UST: variants seen among roughly 807,000 people sequenced by gnomAD.
UST encodes the protein chondroitin sulfate 2-O-sulfotransferase.
In UST, 21 loss-of-function variants were observed where a neutral mutation model predicts 45.6. The ratio of observed to expected loss-of-function variants is 0.46; its 90% CI spans 0.33 to 0.66. The LOEUF (loss-of-function observed/expected upper bound fraction) is 0.66, where lower values mean the gene tolerates loss of function less well. Ranked by LOEUF, UST falls within the 30% of genes least tolerant of loss-of-function variation. The pLI, the probability that UST is intolerant of heterozygous loss-of-function variation, is 0.02. For missense variants in UST, 463 were observed against 512.4 expected (o/e 0.90, Z 0.93); for synonymous variants, 215 against 200.6 (o/e 1.07, Z -0.61).
At chr6:148,805,285 CTGTT>C (rs1187825330) in intron 1 of UST, among the ~76,000 whole-genome samples, 4 of 152,166 alleles carry the variant, frequency 2.6e-5, no homozygotes, top group African/African-American at 9.7e-5. Flanking sequence ...AAATATTTCA[CTGTT>C]TGTTACGTTG....
At chr6:148,787,757 T>C (rs1776759683) in intron 1 of UST, among the ~76,000 whole-genome samples, 1 of 152,228 alleles carries the variant, frequency 6.6e-6, no homozygotes, top group African/African-American at 2.4e-5. Context: ...GGGAATAGCA[T>C]TGAATGTATA....
At chr6:148,863,886 C>T (rs904910608) in intron 1 of UST, among the ~76,000 whole-genome samples, 6 of 152,202 alleles carry the variant, frequency 3.9e-5, no homozygotes, top group African/African-American at 7.2e-5. Flanking sequence ...GAGGGGTACC[C>T]GGCCGTATGA....
chr6:148,945,219 A>G (rs1780212721), intron 3 of UST, among the ~76,000 whole-genome samples: 1 of 152,200 alleles, frequency 6.6e-6, no homozygotes, highest in Non-Finnish European at 1.5e-5. Context: ...TATACTACTG[A>G]GTGGGTATGA....
chr6:149,004,047 C>G (rs1221504899), intron 5 of UST, among the ~76,000 whole-genome samples: 2 of 152,118 alleles, frequency 1.3e-5, no homozygotes, highest in African/African-American at 2.4e-5. Flanking sequence ...TTAAAAGATA[C>G]TTTTGGCACT....
chr6:148,834,669 A>G (rs991756645), intron 1 of UST, among the ~76,000 whole-genome samples: 2 of 152,158 alleles, frequency 1.3e-5, no homozygotes, highest in Non-Finnish European at 2.9e-5. Flanking sequence ...TGTGAGAAAG[A>G]GGTGAACCGA....
chr6:148,801,079 G>A (rs756699649), intron 1 of UST, among the ~76,000 whole-genome samples: 1 of 152,114 alleles, frequency 6.6e-6, no homozygotes, highest in Non-Finnish European at 1.5e-5. Context: ...GGTTGATCAG[G>A]AGTGAAGCTG....
chr6:148,824,688 T>A (rs1450349317), intron 1 of UST, among the ~76,000 whole-genome samples: 3 of 150,542 alleles, frequency 2.0e-5, no homozygotes, highest in Non-Finnish European at 4.4e-5. Context: ...TTTTTTTTTT[T>A]TTTATTATAC....
chr6:148,976,328 C>A (rs1252928786), intron 5 of UST, among the ~76,000 whole-genome samples: 1 of 152,178 alleles, frequency 6.6e-6, no homozygotes. Context: ...ATACTTCTCA[C>A]CATGGTGATT....
intron 1 of UST, among the ~76,000 whole-genome samples, chr6:148,765,932 A>G (rs1218179893): frequency 6.6e-6 from 1 of 152,130 alleles, no homozygotes; most frequent in East Asian, 1.9e-4. Context: ...GTTCCAGTTC[A>G]TAGGGGAAGT....
Position 148,858,450 on chromosome 6 carries a change from T to C in UST, c.248-28536T>C, listed in dbSNP as rs575327760. On this transcript the variant is annotated intron_variant, in intron 1 of 7. Coordinates refer to ENST00000367463, the MANE Select transcript of UST (RefSeq NM_005715.3). ...TGCCTCTCCAGTCCACTGACTCAAA[T>C]GGCAACACCCTCACAGACATACCCA... Among the ~76,000 whole-genome samples, 126 of 151,394 alleles carry C rather than the reference T, an allele frequency of 8.3e-4. 3 individuals are homozygous for C. Among genetic ancestry groups the C allele is most frequent in the African/African-American group, 3.0e-3 (125 of 41,238 alleles).
intron 1 of UST, among the ~76,000 whole-genome samples, chr6:148,797,464 T>C (rs1333752051): frequency 1.3e-5 from 2 of 152,226 alleles, no homozygotes; most frequent in Non-Finnish European, 2.9e-5. Flanking sequence ...CCTAATATGT[T>C]ATTGATTTAT....
intron 1 of UST, among the ~76,000 whole-genome samples, chr6:148,784,274 C>T (rs1001111597): frequency 6.6e-6 from 1 of 152,180 alleles, no homozygotes; most frequent in East Asian, 1.9e-4. Context: ...GAAGTTTTCT[C>T]TCTGCTAAAA....
intron 1 of UST, among the ~76,000 whole-genome samples, chr6:148,813,327 C>T (rs1777294066): frequency 6.6e-6 from 1 of 152,030 alleles, no homozygotes; most frequent in Non-Finnish European, 1.5e-5. Flanking sequence ...ATAAATTAGG[C>T]CATACTGCCC....
intron 1 of UST, among the ~76,000 whole-genome samples, chr6:148,772,006 C>T (rs138635467): frequency 6.6e-6 from 1 of 151,962 alleles, no homozygotes; most frequent in Non-Finnish European, 1.5e-5. Flanking sequence ...TTTTTTTTCC[C>T]CAGAAATGGG....
chr6:149,009,594 C>T (rs371524768), intron 5 of UST, among the ~76,000 whole-genome samples: 2,138 of 141,900 alleles, frequency 0.015, 54 homozygotes, highest in African/African-American at 0.051. Context: ...TAGACAGACA[C>T]ACATCACCTG....
intron 1 of UST, among the ~76,000 whole-genome samples, chr6:148,781,199 G>A (rs889735865): frequency 7.2e-5 from 11 of 152,182 alleles, no homozygotes; most frequent in Non-Finnish European, 1.5e-4. Flanking sequence ...GGTCTCTAGC[G>A]ACAGTTAACC....
intron 1 of UST, among the ~76,000 whole-genome samples, chr6:148,783,285 A>G (rs905036929): frequency 2.0e-5 from 3 of 152,224 alleles, no homozygotes; most frequent in African/African-American, 7.2e-5. Flanking sequence ...TATGCCTTGG[A>G]TAACTAAAAA....
chr6:148,777,521 C>G lies in UST; in HGVS notation c.247+29844C>G, dbSNP rs539694611. 3.5e-4 allele frequency among the ~76,000 whole-genome samples: 54 copies of G among 152,284 alleles called. 1 individual carries two copies. In the South Asian group the frequency reaches 0.011, roughly 32 times the overall value. On this transcript the variant is annotated intron_variant, in intron 1 of 7. Transcript: ENST00000367463. The stretch of plus-strand genomic sequence containing the variant: ...GGTGGTCTCATAAGATTATAATACT[C>G]TATTTTTACTGTACCTTTCCATGTT...
At chr6:148,992,242 C>T (rs1267486837) in intron 5 of UST, among the ~76,000 whole-genome samples, 17 of 152,158 alleles carry the variant, frequency 1.1e-4, no homozygotes, top group Admixed American at 1.0e-3. Flanking sequence ...CGGTGGCTCA[C>T]GCCTGTAATC....
Sources: allele counts gnomAD v4.1 joint callset (sites outside exome capture counted in the v4.1 genomes callset), GRCh38; gene constraint gnomAD v4.1.1; transcripts MANE v1.5; gene names NCBI Gene and HGNC (gene_info 2026-07-23, HGNC 2026-07-21).